DMD: variants seen among roughly 807,000 people sequenced by gnomAD.
DMD encodes dystrophin.
A neutral mutation model predicts 330.1 loss-of-function variants in DMD; 63 were observed. That is an observed-to-expected ratio of 0.19 (90% CI 0.16 to 0.24). DMD has a LOEUF of 0.24. Ranked by LOEUF, DMD falls within the 10% of genes least tolerant of loss-of-function variation. The pLI is 1.00. For missense variants in DMD, 3,344 were observed against 2,684.1 expected (o/e 1.25, Z -5.43); for synonymous variants, 1,223 against 959.8 (o/e 1.27, Z -5.07).
intron 43 of DMD, among the ~76,000 whole-genome samples, chrX:32,261,228 T>C (rs181492168): frequency 9.0e-6 from 1 of 111,730 alleles, no homozygotes; most frequent in Non-Finnish European, 1.9e-5. Context: ...AGAGAAACAC[T>C]GAAGGTTCCT....
chrX:31,658,045 T>C lies in DMD; in HGVS notation c.7972A>G (p.Lys2658Glu). The C allele has an allele frequency of 1.7e-6, 2 of 1,211,152 alleles. No individual in the cohort carries two copies. Among genetic ancestry groups the C allele is most frequent in the Non-Finnish European group, 2.2e-6 (2 of 894,741 alleles). Residue 2658 changes from lysine to glutamate, a missense_variant, in exon 54 of 79, where the codon AAA (lysine) becomes GAA (glutamate). Coordinates refer to ENST00000357033, the MANE Select transcript of DMD (RefSeq NM_004006.3). ...ATATTCTCTGTTATCATGTGGACTTTTCTGGTATCATCTGCAGAATAATCC... is the reference window on the plus strand; with the variant it reads ...ATATTCTCTGTTATCATGTGGACTTCTCTGGTATCATCTGCAGAATAATCC... ...LRDYSADDTR[K>E]VHMITENINA... is the part of the protein sequence containing the mutation.
Position 32,255,437 on chromosome X carries a change from CAAAA to C in DMD, c.6290+32088_6290+32091del, listed in dbSNP as rs11296507. ...TACATATTGTCTATGGTTGCTTTTG[CAAAA>C]AAAAAAAAAAATGGCAGAGTTTAAT... On this transcript the variant is annotated intron_variant, in intron 43 of 78. Coordinates refer to ENST00000357033, the MANE Select transcript of DMD (RefSeq NM_004006.3). 5.2e-5 allele frequency among the ~76,000 whole-genome samples: 5 copies of C among 95,518 alleles called. No homozygotes were observed. In the East Asian group the frequency reaches 9.7e-4, roughly 19 times the overall value. 82.9% of individuals were successfully genotyped at this position (95,518 alleles called of 115,157 possible). A position where few individuals can be genotyped will look rare whatever the true frequency, so the allele number is the denominator to read the frequency against.
At chrX:31,273,824 GGTCACTTAACCCTTTACAGGCAA>G (rs1386629199) in intron 62 of DMD, among the ~76,000 whole-genome samples, 2 of 111,499 alleles carry the variant, frequency 1.8e-5, no homozygotes, top group African/African-American at 3.3e-5. Context: ...CTTAGAGGTG[GGTCACTTAACCCTTTACAGGCAA>G]GTCACTTAAC....
chrX:32,472,229 G>C lies in DMD; in HGVS notation c.2884C>G (p.Leu962Val), dbSNP rs150959827. The change falls in exon 22 of 79, where the codon CTC (leucine) becomes GTC (valine). Residue 962 changes from leucine (L) to valine (V), a missense_variant. Physicochemically the swap from Leu to Val is conservative, Grantham distance 32 (BLOSUM62 1). Coordinates refer to ENST00000357033, the MANE Select transcript of DMD (RefSeq NM_004006.3). ...RTWVQQSETKLSIPQLSVTDY... is the reference protein window; with the variant it reads ...RTWVQQSETKVSIPQLSVTDY... Reference sequence around the variant, plus strand: ...GTGACACTAAGTTGAGGTATGGAGAGTTTGGTTTCTGACTGCTGGACCCAT... The same window carrying C: ...GTGACACTAAGTTGAGGTATGGAGACTTTGGTTTCTGACTGCTGGACCCAT... 446 of 1,209,030 alleles carry C rather than the reference G, an allele frequency of 3.7e-4. No homozygotes were observed. Among genetic ancestry groups the C allele is most frequent in the Non-Finnish European group, 4.7e-4 (419 of 894,560 alleles).
intron 48 of DMD, 117 bp from the exon 49 acceptor site, chrX:31,836,936 A>G (rs2093212771): frequency 1.7e-6 from 1 of 580,506 alleles, no homozygotes; most frequent in Non-Finnish European, 2.8e-6. Flanking sequence ...TGCCTGGTAC[A>G]TAAGGGCACA....
At chrX:33,232,746 G>T (rs773997490) in intron 1 of DMD, among the ~76,000 whole-genome samples, 2 of 111,012 alleles carry the variant, frequency 1.8e-5, no homozygotes, top group Non-Finnish European at 3.8e-5. Context: ...CAAAAAATTA[G>T]CCGAGCATGG....
rs761835866 is a variant in DMD at position 32,050,974 on chromosome X, C to CTTTTTTTTTTTTTTTTTTTT, written c.6439-82461_6439-82460insAAAAAAAAAAAAAAAAAAAA. ...TTACATTGCCTCAGGCTAACTTCCT[C>CTTTTTTTTTTTTTTTTTTTT]TTTTTTTTTTTTTCCCCCTAATAGA... On this transcript the variant is annotated intron_variant, in intron 44 of 78. Coordinates refer to ENST00000357033, the MANE Select transcript of DMD (RefSeq NM_004006.3). Among the ~76,000 whole-genome samples, 98 of 78,106 alleles carry CTTTTTTTTTTTTTTTTTTTT rather than the reference C, an allele frequency of 1.3e-3. 11 individuals carry two copies. The highest frequency in any genetic ancestry group is 5.3e-3 in the African/African-American group (92 of 17,516). The allele number at this position is 78,106 out of a possible 115,157, so 67.8% of individuals were successfully genotyped here.
At chrX:31,694,222 C>T (rs958599586) in intron 52 of DMD, among the ~76,000 whole-genome samples, 1 of 110,415 alleles carries the variant, frequency 9.1e-6, no homozygotes, top group Admixed American at 9.7e-5. Flanking sequence ...AAAACTGGAC[C>T]CTTATCTCAC....
chrX:32,930,935 G>A (rs1232341686), intron 2 of DMD, among the ~76,000 whole-genome samples: 2 of 106,961 alleles, frequency 1.9e-5, no homozygotes, highest in East Asian at 5.7e-4. Flanking sequence ...CCTAACTCAA[G>A]TCTATGCATA....
chrX:32,468,709 G>C lies in DMD; in HGVS notation c.2951C>G (p.Ala984Gly), dbSNP rs1455208108. ...IMEQRLGELQ[A>G]LQSSLQEQQS... is the part of the protein sequence containing the mutation. ...TTGCTCTTGCAGAGAACTTTGTAAA[G>C]CCTAAAAAACAATTTTTTAAATACA... The change falls in exon 23 of 79, where the codon GCT becomes GGT. Residue 984 changes from alanine (A) to glycine (G), a missense_variant and splice_region_variant. Transcript: ENST00000357033. 2 of 1,205,381 alleles carry C rather than the reference G, an allele frequency of 1.7e-6. No individual in the cohort carries two copies. Among genetic ancestry groups the C allele is most frequent in the East Asian group, 5.9e-5 (2 of 33,708 alleles).
chrX:32,452,499 A>AG (rs373275521), intron 26 of DMD, among the ~76,000 whole-genome samples: 2 of 29,892 alleles, frequency 6.7e-5, no homozygotes, highest in Non-Finnish European at 2.4e-4. Flanking sequence ...AGGAAAGGAA[A>AG]GGAAAGGAAA....
chrX:32,311,698 A>C (rs1224443620), intron 41 of DMD, among the ~76,000 whole-genome samples: 2 of 111,956 alleles, frequency 1.8e-5, no homozygotes, highest in African/African-American at 6.5e-5. Context: ...CTTGAGCCAG[A>C]GTTTGATAAA....
At chrX:31,862,807 CTAAGG>C (rs1295450036) in intron 48 of DMD, among the ~76,000 whole-genome samples, 2 of 112,562 alleles carry the variant, frequency 1.8e-5, no homozygotes, top group Non-Finnish European at 3.8e-5. Flanking sequence ...AGGCCCATTC[CTAAGG>C]CACAAGGCTA....
chrX:31,555,580 T>TA (rs1216173760), intron 55 of DMD, among the ~76,000 whole-genome samples: 1 of 111,863 alleles, frequency 8.9e-6, no homozygotes, highest in Admixed American at 9.5e-5. Context: ...GCCTGAGAAT[T>TA]ACATGGCTAG....
intron 64 of DMD, among the ~76,000 whole-genome samples, chrX:31,216,812 C>T (rs920826634): frequency 9.0e-6 from 1 of 111,683 alleles, no homozygotes; most frequent in Non-Finnish European, 1.9e-5. Flanking sequence ...GCATTTTTCA[C>T]CTGGTTTGTC....
chrX:31,216,914 G>T (rs184812794), intron 64 of DMD, among the ~76,000 whole-genome samples: 23 of 111,855 alleles, frequency 2.1e-4, no homozygotes, highest in African/African-American at 5.5e-4. Context: ...CTGAATAGAG[G>T]CAAAATGTTC....
In DMD at chrX:32,543,913, A is replaced by C. The variant is rs139482954; in HGVS notation, c.2168+1246T>G. Among the ~76,000 whole-genome samples the C allele has an allele frequency of 7.2e-3, 815 of 112,459 alleles. 21 individuals carry two copies. Among genetic ancestry groups the C allele is most frequent in the Admixed American group, 0.06 (638 of 10,561 alleles). On this transcript the variant is annotated intron_variant, in intron 17 of 78. Coordinates refer to ENST00000357033, the MANE Select transcript of DMD (RefSeq NM_004006.3). ...GCCGTTGTAATGCGAAAGTAATCAT[A>C]AGTGATAAATAAATGAGTTTGGCTG...
intron 2 of DMD, among the ~76,000 whole-genome samples, chrX:32,879,559 T>A (rs2083708733): frequency 8.9e-6 from 1 of 112,670 alleles, no homozygotes; most frequent in African/African-American, 3.2e-5. Flanking sequence ...AAAATATTTA[T>A]TGAATGACAG....
chrX:32,785,203 T>TAAA (rs550668969), intron 7 of DMD, among the ~76,000 whole-genome samples: 60 of 99,760 alleles, frequency 6.0e-4, no homozygotes, highest in African/African-American at 1.7e-3. Context: ...ATAAAAGCAT[T>TAAA]AAAAAAAAAA....
Sources: allele counts gnomAD v4.1 joint callset (sites outside exome capture counted in the v4.1 genomes callset), GRCh38; gene constraint gnomAD v4.1.1; transcripts MANE v1.5; gene names NCBI Gene and HGNC (gene_info 2026-07-23, HGNC 2026-07-21).